IL1RAPL1: variants seen among roughly 807,000 people sequenced by gnomAD.
IL1RAPL1 encodes interleukin-1 receptor accessory protein-like 1.
In IL1RAPL1, 3 loss-of-function variants were observed where a neutral mutation model predicts 48.4. That is an observed-to-expected ratio of 0.06 (90% CI 0.03 to 0.16). The LOEUF (loss-of-function observed/expected upper bound fraction) is 0.16, where lower values mean the gene tolerates loss of function less well. Ranked by LOEUF, IL1RAPL1 falls within the 10% of genes least tolerant of loss-of-function variation. IL1RAPL1 has a pLI of 1.00. For synonymous variants in IL1RAPL1, 185 were observed against 187.7 expected (o/e 0.99, Z 0.12); for missense variants, 349 against 530.6 (o/e 0.66, Z 3.36).
chrX:29,710,901 G>A (rs1165596939), intron 6 of IL1RAPL1, among the ~76,000 whole-genome samples: 2 of 107,558 alleles, frequency 1.9e-5, no homozygotes, highest in Non-Finnish European at 3.8e-5. Context: ...GCTATTAAGT[G>A]TGAATCTTCG....
At chrX:28,865,966 A>T (rs993096155) in intron 2 of IL1RAPL1, among the ~76,000 whole-genome samples, 1 of 112,064 alleles carries the variant, frequency 8.9e-6, no homozygotes, top group Non-Finnish European at 1.9e-5. Flanking sequence ...AATGAAAAAA[A>T]TAGGTGAGGA....
intron 6 of IL1RAPL1, among the ~76,000 whole-genome samples, chrX:29,819,359 T>C (rs1930560717): frequency 9.0e-6 from 1 of 110,866 alleles, no homozygotes; most frequent in Non-Finnish European, 1.9e-5. Flanking sequence ...TAGAGGGAAA[T>C]TTGTTTCATA....
intron 5 of IL1RAPL1, among the ~76,000 whole-genome samples, chrX:29,649,398 A>G (rs1036432408): frequency 3.6e-5 from 4 of 112,066 alleles, no homozygotes; most frequent in African/African-American, 1.3e-4. Context: ...TATTATTTAC[A>G]TGATCAATTG....
At chrX:29,162,182 G>T (rs1055386633) in intron 2 of IL1RAPL1, among the ~76,000 whole-genome samples, 8 of 110,489 alleles carry the variant, frequency 7.2e-5, no homozygotes, top group African/African-American at 9.9e-5. Context: ...ACAGGGAGGG[G>T]AACATCACAC....
At chrX:29,898,833 C>A (rs1259840934) in intron 6 of IL1RAPL1, among the ~76,000 whole-genome samples, 1 of 111,932 alleles carries the variant, frequency 8.9e-6, no homozygotes, top group Non-Finnish European at 1.9e-5. Flanking sequence ...AATAAAATAT[C>A]ACTGCCATGA....
intron 2 of IL1RAPL1, among the ~76,000 whole-genome samples, chrX:29,022,886 T>A (rs1472156823): frequency 8.9e-6 from 1 of 112,355 alleles, no homozygotes; most frequent in Non-Finnish European, 1.9e-5. Context: ...TTTTAATGTA[T>A]AACATTGTCA....
intron 5 of IL1RAPL1, among the ~76,000 whole-genome samples, chrX:29,602,828 T>C (rs948614975): frequency 2.7e-5 from 3 of 112,910 alleles, no homozygotes; most frequent in Admixed American, 9.3e-5. Flanking sequence ...AGTTTCATAA[T>C]TGTCCAATTA....
chrX:29,292,493 TTTTAATA>T (rs1192180945), intron 3 of IL1RAPL1, among the ~76,000 whole-genome samples: 1 of 112,228 alleles, frequency 8.9e-6, no homozygotes, highest in African/African-American at 3.2e-5. Context: ...TACAGTATAC[TTTTAATA>T]TTTATGAATT....
intron 2 of IL1RAPL1, among the ~76,000 whole-genome samples, chrX:28,987,570 C>T (rs1039277846): frequency 1.8e-5 from 2 of 111,442 alleles, no homozygotes; most frequent in African/African-American, 6.5e-5. Flanking sequence ...TTGTTGAATC[C>T]TAATTACTAA....
chrX:29,393,267 G>A (rs1487857649), intron 3 of IL1RAPL1, among the ~76,000 whole-genome samples: 1 of 111,438 alleles, frequency 9.0e-6, no homozygotes, highest in African/African-American at 3.3e-5. Flanking sequence ...GACTACAGGC[G>A]CCCGCCACCA....
intron 2 of IL1RAPL1, among the ~76,000 whole-genome samples, chrX:28,899,549 G>A (rs1217342767): frequency 8.9e-6 from 1 of 112,205 alleles, no homozygotes; most frequent in Non-Finnish European, 1.9e-5. Flanking sequence ...ATTTTCACCT[G>A]TCTGACAACT....
intron 6 of IL1RAPL1, among the ~76,000 whole-genome samples, chrX:29,849,107 C>A (rs1931309449): frequency 9.2e-6 from 1 of 108,888 alleles, no homozygotes; most frequent in Admixed American, 9.7e-5. Flanking sequence ...TTGCTCTTAC[C>A]AACCTCATGG....
At chrX:29,917,354 A>C (rs1339762344) in intron 6 of IL1RAPL1, 110 bp from the exon 7 acceptor site, 1 of 694,255 alleles carries the variant, frequency 1.4e-6, no homozygotes, top group Non-Finnish European at 2.2e-6. Flanking sequence ...TCTTTTAGAA[A>C]GATATTTTAT....
chrX:29,414,778 A>T, intron 5 of IL1RAPL1, among the ~76,000 whole-genome samples: 1 of 111,909 alleles, frequency 8.9e-6, no homozygotes. Flanking sequence ...ATTTTTCTGT[A>T]AAACTTTTGA....
chrX:28,784,183 T>C lies in IL1RAPL1; in HGVS notation c.-24-5137T>C, dbSNP rs746085220. The stretch of plus-strand genomic sequence containing the variant: ...TATCTAAGAGCTTCTGTTTATCCTC[T>C]CCCCAGGAAATCTATCTCATAACAT... On this transcript the variant is annotated intron_variant, in intron 1 of 10. Coordinates refer to ENST00000378993, the MANE Select transcript of IL1RAPL1 (RefSeq NM_014271.4). Among the ~76,000 whole-genome samples, 9 of 111,833 alleles carry C rather than the reference T, an allele frequency of 8.0e-5. No individual in the cohort carries two copies. In the South Asian group the frequency reaches 3.3e-3, roughly 42 times the overall value.
At chrX:29,662,309 T>A (rs1017584113) in intron 5 of IL1RAPL1, among the ~76,000 whole-genome samples, 1 of 111,822 alleles carries the variant, frequency 8.9e-6, no homozygotes, top group Non-Finnish European at 1.9e-5. Flanking sequence ...CTTCCTCCCT[T>A]CTCACAGATA....
At chrX:28,611,453 G>T (rs183157076) in intron 1 of IL1RAPL1, among the ~76,000 whole-genome samples, 1 of 112,133 alleles carries the variant, frequency 8.9e-6, no homozygotes, top group African/African-American at 3.2e-5. Flanking sequence ...GGATAAAGGT[G>T]TGTCTTATTT....
At chrX:29,947,150 A>G (rs1049167595) in intron 9 of IL1RAPL1, among the ~76,000 whole-genome samples, 4 of 111,794 alleles carry the variant, frequency 3.6e-5, no homozygotes, top group African/African-American at 1.3e-4. Flanking sequence ...AGTAGAACTT[A>G]TACTAACAAA....
At chrX:29,898,066 T>G (rs1932422201) in intron 6 of IL1RAPL1, among the ~76,000 whole-genome samples, 2 of 112,037 alleles carry the variant, frequency 1.8e-5, no homozygotes, top group South Asian at 7.5e-4. Context: ...CTGAGATATG[T>G]CACAAGTTCT....
Sources: gnomAD v4.1 joint callset for allele counts (sites outside exome capture counted in the v4.1 genomes callset) on GRCh38, gnomAD v4.1.1 for gene constraint, MANE v1.5 for transcripts, NCBI Gene and HGNC (gene_info 2026-07-23, HGNC 2026-07-21) for gene names.